ARHGEF28: variants seen among roughly 807,000 people sequenced by gnomAD.
ARHGEF28 encodes 190 kDa guanine nucleotide exchange factor.
In ARHGEF28, 152 loss-of-function variants were observed where a neutral mutation model predicts 206.6. The ratio of observed to expected loss-of-function variants is 0.74; its 90% CI spans 0.64 to 0.84. The LOEUF is 0.84. Ranked by LOEUF, ARHGEF28 falls within the 40% of genes least tolerant of loss-of-function variation. The pLI is 0.00. For synonymous variants in ARHGEF28, 763 were observed against 776.4 expected (o/e 0.98, Z 0.29); for missense variants, 2,028 against 2,073.2 (o/e 0.98, Z 0.42).
chr5:73,902,943 A>G (rs1486108425), intron 31 of ARHGEF28: 1 of 152,290 alleles, frequency 6.6e-6, no homozygotes, highest in Non-Finnish European at 1.5e-5. Flanking sequence ...GAGCCAGAAG[A>G]GCAGCGAGAA....
intron 35 of ARHGEF28, among the ~76,000 whole-genome samples, chr5:73,935,989 G>A (rs906122695): frequency 6.6e-6 from 1 of 152,144 alleles, no homozygotes; most frequent in Admixed American, 6.5e-5. Flanking sequence ...GGGGTGCACT[G>A]GTGAGCTAAA....
At chr5:73,654,102 T>G (rs1043052609) in intron 1 of ARHGEF28, among the ~76,000 whole-genome samples, 18 of 152,306 alleles carry the variant, frequency 1.2e-4, no homozygotes, top group Non-Finnish European at 2.4e-4. Flanking sequence ...GGACCCCTGC[T>G]TAAGCATCCT....
chr5:73,871,597 T>G (rs1233381259), intron 21 of ARHGEF28, among the ~76,000 whole-genome samples: 1 of 152,188 alleles, frequency 6.6e-6, no homozygotes, highest in Non-Finnish European at 1.5e-5. Flanking sequence ...CTGATGCGTT[T>G]TAAAAATTGA....
intron 9 of ARHGEF28, among the ~76,000 whole-genome samples, chr5:73,822,279 C>T (rs565021724): frequency 2.0e-5 from 3 of 152,248 alleles, no homozygotes; most frequent in South Asian, 2.1e-4. Context: ...AGAGGCCCGA[C>T]CTCCTTCCAG....
chr5:73,810,447 T>C (rs1221597405), intron 9 of ARHGEF28, among the ~76,000 whole-genome samples: 1 of 152,196 alleles, frequency 6.6e-6, no homozygotes, highest in Non-Finnish European at 1.5e-5. Context: ...GAAATACTTT[T>C]TATGCAGTTT....
intron 35 of ARHGEF28, among the ~76,000 whole-genome samples, chr5:73,919,893 A>C (rs1763425897): frequency 6.6e-6 from 1 of 152,182 alleles, no homozygotes; most frequent in Non-Finnish European, 1.5e-5. Context: ...AATTTATGTA[A>C]TGTCTGTCCC....
chr5:73,629,058 A>G (rs1165114645), intron 1 of ARHGEF28, among the ~76,000 whole-genome samples: 1 of 152,184 alleles, frequency 6.6e-6, no homozygotes, highest in African/African-American at 2.4e-5. Flanking sequence ...ATATTTGTTG[A>G]AGTCTTACTA....
chr5:73,682,010 G>C (rs1747136881), intron 1 of ARHGEF28, among the ~76,000 whole-genome samples: 1 of 152,134 alleles, frequency 6.6e-6, no homozygotes, highest in African/African-American at 2.4e-5. Context: ...CTTGAGCCCA[G>C]GATATCAAGG....
At chr5:73,710,827 C>T (rs1285841971) in intron 2 of ARHGEF28, among the ~76,000 whole-genome samples, 1 of 152,048 alleles carries the variant, frequency 6.6e-6, no homozygotes, top group Non-Finnish European at 1.5e-5. Flanking sequence ...CTCAGCTTCC[C>T]AAGTAGCTAG....
At chr5:73,776,173 G>A (rs2112451865) in intron 5 of ARHGEF28, among the ~76,000 whole-genome samples, 1 of 152,266 alleles carries the variant, frequency 6.6e-6, no homozygotes, top group South Asian at 2.1e-4. Context: ...ACTACAGGTA[G>A]CCCCATTAAA....
chr5:73,778,193 A>T (rs1056617998), intron 6 of ARHGEF28: 2 of 152,150 alleles, frequency 1.3e-5, no homozygotes, highest in African/African-American at 4.8e-5. Flanking sequence ...CATCAGTTCC[A>T]TGGGGGCAGA....
At chr5:73,716,916 T>C (rs540380197) in intron 2 of ARHGEF28, among the ~76,000 whole-genome samples, 1 of 152,194 alleles carries the variant, frequency 6.6e-6, no homozygotes, top group South Asian at 2.1e-4. Context: ...TAAGAGATGC[T>C]CTATGCCTCC....
chr5:73,816,451 T>C (rs1227229435), intron 9 of ARHGEF28, among the ~76,000 whole-genome samples: 1 of 152,196 alleles, frequency 6.6e-6, no homozygotes, highest in East Asian at 1.9e-4. Flanking sequence ...ATCATGAAAG[T>C]GGCTTTGAGA....
chr5:73,752,798 C>T, intron 3 of ARHGEF28, 111 bp from the exon 4 acceptor site: 1 of 1,261,328 alleles, frequency 7.9e-7, no homozygotes. Context: ...CTGCTTTGTT[C>T]TCCTGGAGCG....
At chr5:73,815,542 CTG>C (rs1393229131) in intron 9 of ARHGEF28, among the ~76,000 whole-genome samples, 1 of 152,178 alleles carries the variant, frequency 6.6e-6, no homozygotes, top group African/African-American at 2.4e-5. Flanking sequence ...TACCAAATCT[CTG>C]TGTCAATTCT....
Position 73,909,869 on chromosome 5 carries a change from C to A in ARHGEF28, c.4619C>A (p.Pro1540His). ...AAGCACGGCCGGCAGAGGAGCCTGC[C>A]CGCGGTGCTCCTTCCGGGTGGCCCC... Reference protein sequence around the residue: ...HWKHGRQRSLPAVLLPGGPEV... With the variant: ...HWKHGRQRSLHAVLLPGGPEV... The change falls in exon 34 of 36, where the codon CCC becomes CAC. Residue 1540 changes from proline (P) to histidine (H), a missense_variant. Pro to His is a moderately conservative substitution (Grantham distance 77). Coordinates refer to ENST00000513042, the MANE Select transcript of ARHGEF28 (RefSeq NM_001177693.2). The A allele has an allele frequency of 6.6e-7, 1 of 1,521,158 alleles. No individual in the cohort carries two copies. Among genetic ancestry groups the A allele is most frequent in the Non-Finnish European group, 8.7e-7 (1 of 1,148,286 alleles). The allele number at this position is 1,521,158 out of a possible 1,614,324, so 94.2% of individuals were successfully genotyped here.
At chr5:73,892,832 C>T (rs1470435846) in intron 27 of ARHGEF28, among the ~76,000 whole-genome samples, 1 of 152,124 alleles carries the variant, frequency 6.6e-6, no homozygotes, top group East Asian at 1.9e-4. Context: ...TTAGTTAGAT[C>T]CTGAAGTTAT....
At chr5:73,700,074 G>A (rs894592780) in intron 2 of ARHGEF28, among the ~76,000 whole-genome samples, 1 of 152,128 alleles carries the variant, frequency 6.6e-6, no homozygotes, top group Admixed American at 6.5e-5. Flanking sequence ...TGTAAAGAAA[G>A]TTACATATAA....
intron 13 of ARHGEF28, among the ~76,000 whole-genome samples, chr5:73,851,406 C>CTTTT (rs77725087): frequency 7.2e-6 from 1 of 139,334 alleles, no homozygotes; most frequent in African/African-American, 2.6e-5. Flanking sequence ...TCTCATGCGT[C>CTTTT]TTTTTTTTTT....
Sources: gnomAD v4.1 joint callset for allele counts (sites outside exome capture counted in the v4.1 genomes callset) on GRCh38, gnomAD v4.1.1 for gene constraint, MANE v1.5 for transcripts, NCBI Gene and HGNC (gene_info 2026-07-23, HGNC 2026-07-21) for gene names.